HPSE2: variants seen among roughly 807,000 people sequenced by gnomAD.
HPSE2 encodes the protein inactive heparanase-2.
HPSE2 carries 38 observed loss-of-function variants against 60.5 expected under a neutral mutation model. That is an observed-to-expected ratio of 0.63 (90% confidence interval 0.48 to 0.82). The LOEUF is 0.82. HPSE2 is among the 40% of genes least tolerant of loss of function. The pLI, the probability that HPSE2 is intolerant of heterozygous loss-of-function variation, is 0.00. For synonymous variants in HPSE2, 295 were observed against 293.2 expected, an observed-to-expected ratio of 1.01 and a Z score of -0.06; for missense variants, 713 against 740.4, an observed-to-expected ratio of 0.96 and a Z score of 0.43.
intron 3 of HPSE2, among the ~76,000 whole-genome samples, chr10:98,866,992 T>C (rs1476624153): frequency 6.6e-6 from 1 of 152,160 alleles, no homozygotes; most frequent in South Asian, 2.1e-4. Context: ...TTACAATGGT[T>C]TGAGCAACCA....
chr10:99,263,891 C>G, the HPSE2 span, among the ~76,000 whole-genome samples: 2 of 152,122 alleles, frequency 1.3e-5, no homozygotes, highest in African/African-American at 4.8e-5. Context: ...TCTTGACTCC[C>G]TCTTGGAGTG....
At chr10:98,656,975 C>T (rs1295906260) in intron 6 of HPSE2, among the ~76,000 whole-genome samples, 1 of 152,068 alleles carries the variant, frequency 6.6e-6, no homozygotes, top group Non-Finnish European at 1.5e-5. Flanking sequence ...ATTGGCCAGG[C>T]TGGTCTTGAA....
chr10:98,897,325 A>G (rs944746681), intron 3 of HPSE2, among the ~76,000 whole-genome samples: 4 of 152,172 alleles, frequency 2.6e-5, no homozygotes, highest in African/African-American at 9.7e-5. Context: ...TTGCCCAAAA[A>G]CTATTGAAAT....
At chr10:98,636,325 C>T (rs1018841690) in intron 7 of HPSE2, among the ~76,000 whole-genome samples, 16 of 151,934 alleles carry the variant, frequency 1.1e-4, no homozygotes, top group East Asian at 3.9e-4. Context: ...CTGCAACCTC[C>T]GCCTCCTGGG....
At chr10:98,573,913 T>C (rs1944570468) in intron 9 of HPSE2, among the ~76,000 whole-genome samples, 2 of 152,134 alleles carry the variant, frequency 1.3e-5, no homozygotes, top group South Asian at 4.1e-4. Flanking sequence ...TTCCATGTAA[T>C]TCACCTATTA....
chr10:99,098,780 G>C (rs1843817830), intron 3 of HPSE2, among the ~76,000 whole-genome samples: 1 of 152,084 alleles, frequency 6.6e-6, no homozygotes, highest in South Asian at 2.1e-4. Flanking sequence ...AACAGGGTTT[G>C]GGTTCAATTT....
intron 3 of HPSE2, among the ~76,000 whole-genome samples, chr10:99,086,278 T>G (rs1280849532): frequency 6.6e-6 from 1 of 151,944 alleles, no homozygotes; most frequent in East Asian, 1.9e-4. Flanking sequence ...AATTGAAGAC[T>G]TGAAGAAAAG....
intron 3 of HPSE2, among the ~76,000 whole-genome samples, chr10:98,926,884 G>T: frequency 6.6e-6 from 1 of 152,236 alleles, no homozygotes; most frequent in South Asian, 2.1e-4. Context: ...AGTCACTCAG[G>T]AGCAGGTTGT....
intron 9 of HPSE2, among the ~76,000 whole-genome samples, chr10:98,509,475 G>A (rs756388546): frequency 6.6e-6 from 1 of 152,096 alleles, no homozygotes; most frequent in Non-Finnish European, 1.5e-5. Flanking sequence ...TATACAGAAT[G>A]AGCATAAAAC....
intron 3 of HPSE2, among the ~76,000 whole-genome samples, chr10:98,766,633 T>C (rs1477792557): frequency 2.0e-5 from 3 of 152,072 alleles, no homozygotes; most frequent in Non-Finnish European, 2.9e-5. Context: ...CATTCAAAAT[T>C]AAATCAATGG....
chr10:98,909,311 T>A (rs943943285), intron 3 of HPSE2, among the ~76,000 whole-genome samples: 1 of 152,152 alleles, frequency 6.6e-6, no homozygotes, highest in African/African-American at 2.4e-5. Flanking sequence ...CATGTAATAG[T>A]TCCACAACTG....
rs146012699 is a variant in HPSE2 at position 98,578,769 on chromosome 10, C to T, written c.1320+36135G>A. Among the ~76,000 whole-genome samples the T allele has an allele frequency of 1.8e-3, 267 of 152,254 alleles. 2 individuals carry two copies. The highest frequency in any genetic ancestry group is 6.1e-3 in the African/African-American group (253 of 41,560). ...TGAGACACAAACCGCCTTCATCTTC[C>T]TATTCCTCTTCCCTCATCCTATGCT... On this transcript the variant is annotated intron_variant, in intron 9 of 11. Coordinates refer to ENST00000370552, the MANE Select transcript of HPSE2 (RefSeq NM_021828.5).
chr10:98,587,550 C>T (rs1268374228), intron 9 of HPSE2, among the ~76,000 whole-genome samples: 2 of 152,230 alleles, frequency 1.3e-5, no homozygotes, highest in Admixed American at 6.5e-5. Flanking sequence ...TGTCCTCCCA[C>T]AGCTGTTCCT....
At position 98,666,618 on chromosome 10, in the gene HPSE2, A is replaced by C. The variant is rs183698922; in HGVS notation, c.1005-24678T>G. Among the ~76,000 whole-genome samples, 52 of 152,346 alleles carry C rather than the reference A, an allele frequency of 3.4e-4. No individual in the cohort carries two copies. In the East Asian group the frequency reaches 9.6e-3, roughly 28 times the overall value. The stretch of plus-strand genomic sequence containing the variant: ...TGCAGTACAATAAAAATAGAAATTA[A>C]TACCAAGAAGATCTCTCAGAACTAC... On this transcript the variant is annotated intron_variant, in intron 6 of 11. Transcript: ENST00000370552.
At chr10:99,117,626 T>A (rs1402085748) in intron 3 of HPSE2, among the ~76,000 whole-genome samples, 6 of 151,772 alleles carry the variant, frequency 4.0e-5, no homozygotes, top group African/African-American at 1.5e-4. Context: ...AAGAAATGAA[T>A]AAATTTCTGT....
chr10:98,804,911 A>G (rs2785212), intron 3 of HPSE2, among the ~76,000 whole-genome samples: 9,765 of 152,232 alleles, frequency 0.064, 1,011 homozygotes, highest in African/African-American at 0.22. Flanking sequence ...ATAAATAAAT[A>G]AAATGTGATA....
At chr10:98,954,933 T>TG (rs1440405426) in intron 3 of HPSE2, among the ~76,000 whole-genome samples, 1 of 150,018 alleles carries the variant, frequency 6.7e-6, no homozygotes. Context: ...GAGTATTCAA[T>TG]ACTCAGTGGA....
At chr10:98,927,499 T>C (rs963761333) in intron 3 of HPSE2, among the ~76,000 whole-genome samples, 20 of 147,718 alleles carry the variant, frequency 1.4e-4, no homozygotes, top group African/African-American at 5.1e-4. Flanking sequence ...TTAAAGTTCA[T>C]ATGGAACCAA....
At chr10:99,071,621 A>G (rs1564783829) in intron 3 of HPSE2, among the ~76,000 whole-genome samples, 1 of 152,192 alleles carries the variant, frequency 6.6e-6, no homozygotes, top group Non-Finnish European at 1.5e-5. Context: ...TTTTGGTGTC[A>G]TATCCAAGAA....
Sources: gnomAD v4.1 joint callset for allele counts (sites outside exome capture counted in the v4.1 genomes callset) on GRCh38, gnomAD v4.1.1 for gene constraint, MANE v1.5 for transcripts, NCBI Gene and HGNC (gene_info 2026-07-23, HGNC 2026-07-21) for gene names.